Variants in ARHGAP15 observed in about 807,000 individuals in gnomAD.
The protein encoded by ARHGAP15 is rho GTPase-activating protein 15.
Under a neutral mutation model 63.7 loss-of-function variants are expected in ARHGAP15, and 51 were observed. The ratio of observed to expected loss-of-function variants is 0.80; its 90% confidence interval spans 0.64 to 1.01. The LOEUF is 1.01. Among genes scored for constraint, ARHGAP15 ranks in the 50% least tolerant of loss-of-function variants. The probability of loss-of-function intolerance (pLI) is 0.00; values close to 1 mark genes in which losing one functional copy is unlikely to be tolerated. For synonymous variants in ARHGAP15, 191 were observed against 193.8 expected, an observed-to-expected ratio of 0.99 and a Z score of 0.12; for missense variants, 560 against 564.6, an observed-to-expected ratio of 0.99 and a Z score of 0.08.
intron 13 of ARHGAP15, among the ~76,000 whole-genome samples, chr2:143,753,762 G>A (rs188015056): frequency 1.8e-4 from 28 of 152,210 alleles, no homozygotes; most frequent in Admixed American, 2.6e-4. Flanking sequence ...TCCAACCATA[G>A]CATAAAACAG....
chr2:143,614,388 T>C (rs1430625118), intron 11 of ARHGAP15, among the ~76,000 whole-genome samples: 1 of 152,236 alleles, frequency 6.6e-6, no homozygotes, highest in Non-Finnish European at 1.5e-5. Context: ...CCAGCAGCTA[T>C]AACATGCCTA....
intron 10 of ARHGAP15, among the ~76,000 whole-genome samples, chr2:143,524,906 T>A (rs1694199819): frequency 1.3e-5 from 2 of 152,232 alleles, no homozygotes; most frequent in South Asian, 4.1e-4. Flanking sequence ...ACAGTACCCA[T>A]TGTACAGTAT....
intron 3 of ARHGAP15, 101 bp downstream of exon 3, chr2:143,202,303 G>A: frequency 1.0e-6 from 1 of 975,710 alleles, no homozygotes. Flanking sequence ...TCATTTTTCT[G>A]TGGGTCAGGA....
chr2:143,293,762 T>A (rs867256817), intron 6 of ARHGAP15, among the ~76,000 whole-genome samples: 10 of 152,014 alleles, frequency 6.6e-5, no homozygotes, highest in African/African-American at 2.4e-4. Context: ...TTTGCAACTA[T>A]TAAGTGTCAA....
rs577739684 is a variant in ARHGAP15 at position 143,693,950 on chromosome 2, A to G, written c.1139-9469A>G. 3.8e-4 allele frequency among the ~76,000 whole-genome samples: 58 copies of G among 152,340 alleles called. 1 individual carries two copies. The South Asian group carries it at 0.012, about 31-fold the overall frequency. ...TGTCTGATCTACTGGTAAATATTCT[A>G]TTGACAAGGTCAAGAACAGAGAAAG... On this transcript the variant is annotated intron_variant, in intron 12 of 13. Transcript: ENST00000295095.
intron 13 of ARHGAP15, among the ~76,000 whole-genome samples, chr2:143,732,371 T>C (rs547445404): frequency 6.6e-6 from 1 of 152,362 alleles, no homozygotes; most frequent in South Asian, 2.1e-4. Context: ...ACCTTTATTG[T>C]CTTAGTCATT....
At chr2:143,260,586 C>A (rs1283433036) in intron 6 of ARHGAP15, among the ~76,000 whole-genome samples, 1 of 152,044 alleles carries the variant, frequency 6.6e-6, no homozygotes, top group Non-Finnish European at 1.5e-5. Context: ...AACAAAGAAC[C>A]ATTACACTAA....
chr2:143,200,405 T>G (rs998189969), intron 2 of ARHGAP15, among the ~76,000 whole-genome samples: 43 of 149,332 alleles, frequency 2.9e-4, no homozygotes, highest in African/African-American at 1.1e-3. Context: ...AACAATTCTC[T>G]CAAAATCTTC....
intron 12 of ARHGAP15, among the ~76,000 whole-genome samples, chr2:143,627,352 A>G (rs1455894299): frequency 2.6e-5 from 4 of 152,146 alleles, no homozygotes; most frequent in Admixed American, 6.6e-5. Context: ...TAACCCACGT[A>G]TTTTTGATAT....
intron 2 of ARHGAP15, among the ~76,000 whole-genome samples, chr2:143,196,526 A>G (rs1352558299): frequency 6.6e-6 from 1 of 152,028 alleles, no homozygotes; most frequent in East Asian, 1.9e-4. Flanking sequence ...ATAATTTAAG[A>G]CATAATTATG....
chr2:143,698,912 C>A (rs1425278950), intron 12 of ARHGAP15, among the ~76,000 whole-genome samples: 1 of 152,128 alleles, frequency 6.6e-6, no homozygotes, highest in African/African-American at 2.4e-5. Context: ...AGTGATATCT[C>A]AAAGTCTTCT....
chr2:143,498,464 TTGAC>T (rs2104927038), intron 9 of ARHGAP15, among the ~76,000 whole-genome samples: 1 of 152,322 alleles, frequency 6.6e-6, no homozygotes, highest in Non-Finnish European at 1.5e-5. Context: ...TTCTTTGAAA[TTGAC>T]TATATTGCTG....
rs149235904 is a variant in ARHGAP15 at position 143,423,222 on chromosome 2, A to G, written c.475-12379A>G. 5.0e-3 allele frequency among the ~76,000 whole-genome samples: 764 copies of G among 152,254 alleles called. 8 individuals are homozygous for G. Among genetic ancestry groups the G allele is most frequent in the African/African-American group, 0.017 (711 of 41,548 alleles). Reference sequence around the variant, plus strand: ...GTATGTTGACAGTTATGGAAGTTGCAATATAGAGCCAGCTTTAAGAGGATG... The same window carrying G: ...GTATGTTGACAGTTATGGAAGTTGCGATATAGAGCCAGCTTTAAGAGGATG... On this transcript the variant is annotated intron_variant, in intron 6 of 13. Coordinates refer to ENST00000295095, the MANE Select transcript of ARHGAP15 (RefSeq NM_018460.4).
intron 12 of ARHGAP15, among the ~76,000 whole-genome samples, chr2:143,644,692 A>G (rs1680782703): frequency 2.0e-5 from 3 of 152,138 alleles, no homozygotes; most frequent in Non-Finnish European, 4.4e-5. Context: ...TCAGAACGCA[A>G]GTTCGGCCAG....
At chr2:143,262,097 C>A (rs574017822) in intron 6 of ARHGAP15, among the ~76,000 whole-genome samples, 8 of 152,088 alleles carry the variant, frequency 5.3e-5, no homozygotes, top group Non-Finnish European at 8.8e-5. Flanking sequence ...AGATGTGTAA[C>A]GCGTGCTGAG....
rs373847590 is a variant in ARHGAP15, at chr2:143,605,858, C to CAAAAAAAAAAAA, written c.1004-18258_1004-18247dup. On this transcript the variant is annotated intron_variant, in intron 11 of 13. Transcript: ENST00000295095. ...GTGAAACCCTGTCTCTACTAAAATACAAAAAAAAAAAAAAAAAAAAAAAAA... is the reference window on the plus strand; with the variant it reads ...GTGAAACCCTGTCTCTACTAAAATACAAAAAAAAAAAAAAAAAAAAAAAAAAAAAAAAAAAAA... Among the ~76,000 whole-genome samples the CAAAAAAAAAAAA allele has an allele frequency of 8.0e-4, 68 of 85,304 alleles. 1 individual carries two copies. Among genetic ancestry groups the CAAAAAAAAAAAA allele is most frequent in the South Asian group, 2.0e-3 (4 of 2,034 alleles). 56.0% of individuals were successfully genotyped at this position (85,304 alleles called of 152,430 possible).
chr2:143,238,064 C>T (rs1251080346), intron 5 of ARHGAP15: 1 of 151,910 alleles, frequency 6.6e-6, no homozygotes, highest in Non-Finnish European at 1.5e-5. Flanking sequence ...CCCAGTTCCC[C>T]ACATTTATTA....
At chr2:143,549,027 G>A (rs1695449903) in intron 10 of ARHGAP15, among the ~76,000 whole-genome samples, 1 of 152,092 alleles carries the variant, frequency 6.6e-6, no homozygotes, top group Non-Finnish European at 1.5e-5. Flanking sequence ...GAGATGTACT[G>A]AAACCCTGTA....
At chr2:143,300,694 C>T (rs1682855129) in intron 6 of ARHGAP15, among the ~76,000 whole-genome samples, 2 of 152,148 alleles carry the variant, frequency 1.3e-5, no homozygotes, top group South Asian at 4.1e-4. Context: ...AGCTACTTAC[C>T]AGTCTTGTCC....
Sources: allele counts gnomAD v4.1 joint callset (sites outside exome capture counted in the v4.1 genomes callset), GRCh38; gene constraint gnomAD v4.1.1; transcripts MANE v1.5; gene names NCBI Gene and HGNC (gene_info 2026-07-23, HGNC 2026-07-21).